Variants in TMC1 observed in about 807,000 individuals in gnomAD.
TMC1 encodes the protein transmembrane channel like 1, also known as transmembrane channel-like protein 1.
Under a neutral mutation model 105.8 loss-of-function variants are expected in TMC1, and 84 were observed. The ratio of observed to expected loss-of-function variants is 0.79; its 90% CI spans 0.67 to 0.95. The LOEUF (loss-of-function observed/expected upper bound fraction) is 0.95. TMC1 is among the 40% of genes least tolerant of loss of function. The pLI is 0.00. For missense variants in TMC1, 817 were observed against 914.1 expected (o/e 0.89, Z 1.37); for synonymous variants, 315 against 311.5 (o/e 1.01, Z -0.12).
At chr9:72,648,721 G>T in intron 5 of TMC1, 57 bp downstream of exon 5, 1 of 1,492,542 alleles carries the variant, frequency 6.7e-7, no homozygotes, top group Non-Finnish European at 9.3e-7. Flanking sequence ...GAGGTATAAA[G>T]GTATTTGAAA....
chr9:72,595,979 C>T (rs770005655), intron 2 of TMC1, among the ~76,000 whole-genome samples: 4 of 151,410 alleles, frequency 2.6e-5, no homozygotes, highest in East Asian at 3.9e-4. Flanking sequence ...TGGGTTCAAG[C>T]GATTCTTCCG....
intron 5 of TMC1, among the ~76,000 whole-genome samples, chr9:72,660,743 C>G (rs775095653): frequency 9.2e-5 from 14 of 152,092 alleles, no homozygotes; most frequent in Admixed American, 9.2e-4. Context: ...GTCAAAATTA[C>G]GAAGTATCCC....
chr9:72,592,080 C>T (rs928012539), intron 2 of TMC1, among the ~76,000 whole-genome samples: 1 of 151,986 alleles, frequency 6.6e-6, no homozygotes, highest in Non-Finnish European at 1.5e-5. Flanking sequence ...AGCAAAAAAA[C>T]CATCTGATGT....
Position 72,529,543 on chromosome 9 carries a change from G to C in TMC1, c.-428+7630G>C, listed in dbSNP as rs377690835. 3.3e-5 allele frequency among the ~76,000 whole-genome samples: 5 copies of C among 152,222 alleles called. No individual in the cohort carries two copies. In the South Asian group the frequency reaches 1.0e-3, roughly 32 times the overall value. On this transcript the variant is annotated intron_variant, in intron 1 of 23. Transcript: ENST00000297784. ...GTATATACATATGTGTTTAGGAAAT[G>C]TGTATATATGTGTGTGTGTTTGTGT...
intron 13 of TMC1, among the ~76,000 whole-genome samples, chr9:72,786,058 G>A (rs1174304870): frequency 2.6e-5 from 4 of 152,216 alleles, no homozygotes; most frequent in African/African-American, 9.6e-5. Flanking sequence ...TATTTGATTT[G>A]TTAAAAACCT....
rs1435786517 is a variant in TMC1, at chr9:72,650,879, TATAGATATATAG to T, written c.16+2219_16+2230del. 2.3e-4 allele frequency among the ~76,000 whole-genome samples: 30 copies of T among 131,868 alleles called. 2 individuals are homozygous for T. Among genetic ancestry groups the T allele is most frequent in the Admixed American group, 1.8e-3 (24 of 13,080 alleles). The allele number at this position is 131,868 out of a possible 152,430, so 86.5% of individuals were successfully genotyped here. A position where few individuals can be genotyped will look rare whatever the true frequency, so the allele number is the denominator to read the frequency against. ...GGTATTTCATGGTGTATTTTATATA[TATAGATATATAG>T]ATATATATATAAATATATATAGATA... On this transcript the variant is annotated intron_variant, in intron 5 of 23. Coordinates refer to ENST00000297784, the MANE Select transcript of TMC1 (RefSeq NM_138691.3).
rs1420018634 is a variant in TMC1 at position 72,838,275 on chromosome 9, G to A, written c.*2302G>A. ...ATTATAATGCAGATGAGTAAATAAA[G>A]CTAGTGTTTATTTCTACTTGGATCA... On this transcript the variant is annotated 3_prime_UTR_variant, in exon 24 of 24. Transcript: ENST00000297784. 4.6e-5 allele frequency: 7 copies of A among 152,264 alleles called. No homozygotes were observed. Among genetic ancestry groups the A allele is most frequent in the African/African-American group, 1.7e-4 (7 of 41,558 alleles). 9.4% of individuals were successfully genotyped at this position (152,264 alleles called of 1,614,324 possible).
intron 12 of TMC1, among the ~76,000 whole-genome samples, chr9:72,759,266 T>TGCTGGAGGCATTGCTGGAG (rs2118082456): frequency 6.6e-6 from 1 of 152,248 alleles, no homozygotes; most frequent in African/African-American, 2.4e-5. Flanking sequence ...GAGCCATGCA[T>TGCTGGAGGCATTGCTGGAG]TCAGGAGAGA....
chr9:72,534,848 T>A (rs1288429330), intron 1 of TMC1, among the ~76,000 whole-genome samples: 1 of 152,176 alleles, frequency 6.6e-6, no homozygotes, highest in African/African-American at 2.4e-5. Flanking sequence ...CAAAACCCAA[T>A]AATGTAGTTG....
chr9:72,689,565 A>C (rs1443780812), intron 6 of TMC1, among the ~76,000 whole-genome samples: 1 of 152,014 alleles, frequency 6.6e-6, no homozygotes, highest in Non-Finnish European at 1.5e-5. Context: ...TACTATAATT[A>C]TATTGCTGTA....
At chr9:72,534,661 G>T (rs997337952) in intron 1 of TMC1, among the ~76,000 whole-genome samples, 3 of 152,088 alleles carry the variant, frequency 2.0e-5, no homozygotes, top group African/African-American at 7.2e-5. Flanking sequence ...AAGGTTAATG[G>T]AATTCTATAT....
At chr9:72,524,206 G>A (rs1823363628) in intron 1 of TMC1, among the ~76,000 whole-genome samples, 1 of 151,942 alleles carries the variant, frequency 6.6e-6, no homozygotes, top group Non-Finnish European at 1.5e-5. Flanking sequence ...CACTTAAAAA[G>A]ATGCATAGTA....
At chr9:72,594,205 G>C (rs959611822) in intron 2 of TMC1, among the ~76,000 whole-genome samples, 1 of 152,136 alleles carries the variant, frequency 6.6e-6, no homozygotes, top group Non-Finnish European at 1.5e-5. Flanking sequence ...AAGACCTGAA[G>C]AAATGGACAA....
chr9:72,573,599 G>A (rs750427273), intron 1 of TMC1, among the ~76,000 whole-genome samples: 5 of 152,182 alleles, frequency 3.3e-5, no homozygotes, highest in Non-Finnish European at 5.9e-5. Context: ...CCTGTACAGG[G>A]TGGCTTAGCC....
chr9:72,758,109 T>C (rs1827700557), intron 12 of TMC1, among the ~76,000 whole-genome samples: 1 of 152,224 alleles, frequency 6.6e-6, no homozygotes, highest in African/African-American at 2.4e-5. Flanking sequence ...TTTAAGGAAT[T>C]TTATATGATA....
Position 72,698,043 on chromosome 9 carries a change from TA to T in TMC1, c.237-2464del, listed in dbSNP as rs914546724. Among the ~76,000 whole-genome samples, 457 of 147,464 alleles carry T rather than the reference TA, an allele frequency of 3.1e-3. 2 individuals are homozygous for T. Among genetic ancestry groups the T allele is most frequent in the East Asian group, 9.0e-3 (46 of 5,092 alleles). ...CCACATATCATTCTAATTGGCAAAT[TA>T]AAAAAAAAAATTGTGGATATAGATA... On this transcript the variant is annotated intron_variant, in intron 7 of 23. Coordinates refer to ENST00000297784, the MANE Select transcript of TMC1 (RefSeq NM_138691.3).
In TMC1 at chr9:72,785,821, C is replaced by A. The variant is rs201790832; in HGVS notation, c.885-2518C>A. On this transcript the variant is annotated intron_variant, in intron 13 of 23. Coordinates refer to ENST00000297784, the MANE Select transcript of TMC1 (RefSeq NM_138691.3). ...AATTTTCCATTTAATATTTTTGGAA[C>A]CATGAATTGATCACAAGTAACTAAA... 7.2e-5 allele frequency among the ~76,000 whole-genome samples: 11 copies of A among 152,278 alleles called. No individual in the cohort carries two copies. In the East Asian group the frequency reaches 2.1e-3, roughly 29 times the overall value.
chr9:72,618,274 T>C (rs1430562172), intron 3 of TMC1, among the ~76,000 whole-genome samples: 2 of 151,974 alleles, frequency 1.3e-5, no homozygotes, highest in Non-Finnish European at 2.9e-5. Context: ...CCACCTACCA[T>C]GGCCTCCCAA....
At chr9:72,741,386 A>G in intron 9 of TMC1, 1 of 449,668 alleles carries the variant, frequency 2.2e-6, no homozygotes, top group Non-Finnish European at 4.2e-6. Flanking sequence ...TCCTTTTCTT[A>G]GCACCACCAT....
Sources: gnomAD v4.1 joint callset for allele counts (sites outside exome capture counted in the v4.1 genomes callset) on GRCh38, gnomAD v4.1.1 for gene constraint, MANE v1.5 for transcripts, NCBI Gene and HGNC (gene_info 2026-07-23, HGNC 2026-07-21) for gene names.